Variants in ENO4 observed in about 807,000 individuals in gnomAD.
ENO4 encodes 2-phospho-D-glycerate hydro-lyase.
ENO4 carries 53 observed loss-of-function variants against 63.2 expected under a neutral mutation model. That is an observed-to-expected ratio of 0.84 (90% CI 0.67 to 1.05). The LOEUF is 1.05. ENO4 is among the 50% of genes least tolerant of loss of function. The pLI is 0.00. For synonymous variants in ENO4, 266 were observed against 283.8 expected, an observed-to-expected ratio of 0.94 and a Z score of 0.63; for missense variants, 719 against 772.0, an observed-to-expected ratio of 0.93 and a Z score of 0.81.
chr10:116,900,970 A>G, intron 10 of ENO4: 1 of 985,474 alleles, frequency 1.0e-6, no homozygotes, highest in Non-Finnish European at 1.2e-6. Flanking sequence ...TTCACCTTTT[A>G]AGCTAAGACA....
chr10:116,854,281 C>T (rs184687319), intron 1 of ENO4, among the ~76,000 whole-genome samples: 38 of 152,210 alleles, frequency 2.5e-4, no homozygotes, highest in Middle Eastern at 3.4e-3. Flanking sequence ...GCCCATGTGC[C>T]GGGCGCGGTG....
chr10:116,859,148 T>G lies in ENO4; in HGVS notation c.634+10T>G. The G allele has an allele frequency of 2.0e-6, 3 of 1,524,924 alleles. No individual in the cohort carries two copies. The highest frequency in any genetic ancestry group is 2.6e-6 in the Non-Finnish European group (3 of 1,142,046). 94.5% of individuals were successfully genotyped at this position (1,524,924 alleles called of 1,614,324 possible). A position where few individuals can be genotyped will look rare whatever the true frequency, so the allele number is the denominator to read the frequency against. The stretch of plus-strand genomic sequence containing the variant: ...AAGGGGCAAAAGCCAGGTTGGTTGG[T>G]GACTTATCTTGCAGAGTCGTTAGTA... On this transcript the variant is annotated intron_variant, in intron 4 of 13. Coordinates refer to ENST00000341276, the MANE Select transcript of ENO4 (RefSeq NM_001242699.2).
intron 1 of ENO4, among the ~76,000 whole-genome samples, chr10:116,851,120 T>C (rs1846070439): frequency 6.6e-6 from 1 of 152,234 alleles, no homozygotes; most frequent in Admixed American, 6.5e-5. Context: ...CATGGACTCT[T>C]GTTCCCCAGT....
intron 3 of ENO4, among the ~76,000 whole-genome samples, chr10:116,857,699 C>T (rs576371726): frequency 1.3e-5 from 2 of 150,522 alleles, no homozygotes; most frequent in African/African-American, 2.4e-5. Context: ...AGTGCAGTGG[C>T]ATGATCTCGG....
At chr10:116,863,039 A>G (rs1277973206) in intron 7 of ENO4, among the ~76,000 whole-genome samples, 187 bp downstream of exon 7, 2 of 152,300 alleles carry the variant, frequency 1.3e-5, no homozygotes, top group Non-Finnish European at 2.9e-5. Context: ...CTCTAATGGT[A>G]CTTAACAATC....
intron 11 of ENO4, among the ~76,000 whole-genome samples, chr10:116,877,789 T>C (rs982562549): frequency 6.6e-6 from 1 of 152,178 alleles, no homozygotes; most frequent in African/African-American, 2.4e-5. Context: ...CATTTGCGAA[T>C]TGGACATAAT....
chr10:116,897,681 G>T (rs1456367110), intron 10 of ENO4, among the ~76,000 whole-genome samples: 1 of 152,012 alleles, frequency 6.6e-6, no homozygotes, highest in East Asian at 1.9e-4. Flanking sequence ...AGTCCTACAG[G>T]GCAGGCATTA....
chr10:116,899,594 G>C (rs913096299), intron 10 of ENO4, among the ~76,000 whole-genome samples: 1 of 151,386 alleles, frequency 6.6e-6, no homozygotes, highest in East Asian at 1.9e-4. Context: ...TCTGTATTTA[G>C]AGCCGACTGT....
At chr10:116,896,232 A>C (rs1847513854) in intron 10 of ENO4, among the ~76,000 whole-genome samples, 1 of 152,238 alleles carries the variant, frequency 6.6e-6, no homozygotes, top group African/African-American at 2.4e-5. Flanking sequence ...TTCTGTTGAT[A>C]ATAGAGTTAA....
chr10:116,903,374 A>C (rs1412613464), intron 10 of ENO4, among the ~76,000 whole-genome samples: 1 of 152,066 alleles, frequency 6.6e-6, no homozygotes, highest in Non-Finnish European at 1.5e-5. Flanking sequence ...CTCTACTAGA[A>C]ATCAGCCAGG....
At chr10:116,901,083 C>G in intron 10 of ENO4, 1 of 985,342 alleles carries the variant, frequency 1.0e-6, no homozygotes, top group Admixed American at 6.1e-5. Flanking sequence ...TTTGTCTCAC[C>G]TCTTCCTTTT....
chr10:116,878,697 C>T (rs2133281030), intron 11 of ENO4, among the ~76,000 whole-genome samples: 1 of 107,018 alleles, frequency 9.3e-6, no homozygotes, highest in East Asian at 2.3e-4. Context: ...CCCCTACCCC[C>T]TTTTAGTGGT....
At chr10:116,878,353 AGAT>A (rs1337137879) in intron 11 of ENO4, among the ~76,000 whole-genome samples, 27 of 152,232 alleles carry the variant, frequency 1.8e-4, no homozygotes, top group Admixed American at 2.0e-4. Context: ...TGTGGGTGGT[AGAT>A]GATAGATAGG....
At chr10:116,869,861 TG>T (rs1458065375) in intron 8 of ENO4, among the ~76,000 whole-genome samples, 2 of 152,156 alleles carry the variant, frequency 1.3e-5, no homozygotes, top group Non-Finnish European at 2.9e-5. Flanking sequence ...CTAAATTGCC[TG>T]GATTAAAATC....
chr10:116,884,506 A>G, downstream of ENO4: 1 of 330,798 alleles, frequency 3.0e-6, no homozygotes, highest in Non-Finnish European at 6.0e-6. Flanking sequence ...TTCTTACTCT[A>G]GAAAGGAGGG....
downstream of ENO4, chr10:116,911,795 T>C (rs755673116): frequency 6.2e-7 from 1 of 1,611,348 alleles, no homozygotes; most frequent in Non-Finnish European, 8.5e-7. Flanking sequence ...CTTACCAGTA[T>C]TCCTTTTAGT....
chr10:116,897,616 A>C (rs1039329910), intron 10 of ENO4, among the ~76,000 whole-genome samples: 2 of 152,236 alleles, frequency 1.3e-5, no homozygotes, highest in Non-Finnish European at 1.5e-5. Flanking sequence ...TTGTAAGATA[A>C]GATAGGAAAG....
chr10:116,854,199 G>A (rs1486530377), intron 1 of ENO4, among the ~76,000 whole-genome samples: 1 of 152,196 alleles, frequency 6.6e-6, no homozygotes, highest in South Asian at 2.1e-4. Flanking sequence ...ATGAGCTGAT[G>A]GTAAGATACA....
chr10:116,860,832 G>T lies in ENO4; in HGVS notation c.673G>T (p.Ala225Ser). 1 of 1,542,054 alleles carries T rather than the reference G, an allele frequency of 6.5e-7. No individual in the cohort carries two copies. The highest frequency in any genetic ancestry group is 1.2e-5 in the South Asian group (1 of 82,968). The change falls in exon 5 of 14, where the codon GCA becomes TCA. Residue 225 changes from alanine to serine, a missense_variant. By Grantham distance (99) the Ala-to-Ser change is moderately conservative. Coordinates refer to ENST00000341276, the MANE Select transcript of ENO4 (RefSeq NM_001242699.2). Reference protein sequence around the residue: ...DTITEKPIAPAEPVEPVLSGS... With the variant: ...DTITEKPIAPSEPVEPVLSGS... ...TATTACAGAGAAACCTATTGCGCCT[G>T]CAGAGCCTGTTGAGCCTGTACTCAG...
Sources: allele counts gnomAD v4.1 joint callset (sites outside exome capture counted in the v4.1 genomes callset), GRCh38; gene constraint gnomAD v4.1.1; transcripts MANE v1.5; gene names NCBI Gene and HGNC (gene_info 2026-07-23, HGNC 2026-07-21).